The following LTBP3 variants were observed in gnomAD, a reference collection of about 807,000 sequenced individuals.
LTBP3 encodes the protein latent transforming growth factor beta binding protein 3.
Under a neutral mutation model 159.7 loss-of-function variants are expected in LTBP3, and 97 were observed. That is an observed-to-expected ratio of 0.61 (90% CI 0.52 to 0.72). The LOEUF (loss-of-function observed/expected upper bound fraction) is 0.72. Ranked by LOEUF, LTBP3 falls within the 30% of genes least tolerant of loss-of-function variation. LTBP3 has a pLI of 0.00. For missense variants in LTBP3, 1,584 were observed against 1,864.3 expected, an observed-to-expected ratio of 0.85 and a Z score of 2.77; for synonymous variants, 824 against 777.1, an observed-to-expected ratio of 1.06 and a Z score of -1.00.
At position 65,539,545 on chromosome 11, in the gene LTBP3, C is replaced by G; in HGVS notation, c.3628+3G>C. ...CGCCACCGCCCGACCCGGCAGCACTCACCTCTTGGGGGCTTCCCCAACAGC... is the reference window on the plus strand; with the variant it reads ...CGCCACCGCCCGACCCGGCAGCACTGACCTCTTGGGGGCTTCCCCAACAGC... On this transcript the variant is annotated splice_donor_region_variant and intron_variant, in intron 26 of 27. Coordinates refer to ENST00000301873, the MANE Select transcript of LTBP3 (RefSeq NM_001130144.3). The G allele has an allele frequency of 6.2e-7, 1 of 1,612,370 alleles. No individual in the cohort carries two copies. Among genetic ancestry groups the G allele is most frequent in the South Asian group, 1.1e-5 (1 of 90,846 alleles).
rs1442567859 is a variant in LTBP3, at chr11:65,539,365, G to A, written c.3723C>T (p.Gly1241=). Reference sequence around the variant, plus strand: ...CGCGGGAGGCGTCGAGCTGGAAGCCGCCGGGACACTCGCACACGGCGCCGC... The same window carrying A: ...CGCGGGAGGCGTCGAGCTGGAAGCCACCGGGACACTCGCACACGGCGCCGC... ...RPGGAVCECP[G]GFQLDASRAR... is the part of the protein sequence containing the mutation. The change falls in exon 27 of 28, where the codon GGC becomes GGT. Residue 1241 remains glycine (G), a synonymous_variant. Coordinates refer to ENST00000301873, the MANE Select transcript of LTBP3 (RefSeq NM_001130144.3). The A allele has an allele frequency of 2.1e-5, 31 of 1,489,804 alleles. No homozygotes were observed. The highest frequency in any genetic ancestry group is 2.6e-5 in the Non-Finnish European group (29 of 1,111,904). 92.3% of individuals were successfully genotyped at this position (1,489,804 alleles called of 1,614,324 possible).
At chr11:65,557,058 G>A (rs1002694433) in intron 1 of LTBP3, among the ~76,000 whole-genome samples, 21 of 151,896 alleles carry the variant, frequency 1.4e-4, no homozygotes, top group Non-Finnish European at 2.5e-4. Flanking sequence ...TGAGAACCCC[G>A]AACTAGTCCC....
At position 65,552,040 on chromosome 11, in the gene LTBP3, G is replaced by T. The variant is rs751447261; in HGVS notation, c.1463C>A (p.Pro488His). ...GCTCTCCGGAAGCTGCTGGGGCTTG[G>T]GTGGCCCGTCAGGGTGCAGGAAAAG... ...FSLFLHPDGP[P>H]KPQQLPESPS... Residue 488 changes from proline to histidine, a missense_variant, in exon 8 of 28, where the codon CCC becomes CAC. Physicochemically the swap from Pro to His is moderately conservative, Grantham distance 77 (BLOSUM62 -2). Around this residue, in one of 6 missense-constraint regions of LTBP3, gnomAD observed 565 missense variants for 677.7 expected, o/e 0.83. Coordinates refer to ENST00000301873, the MANE Select transcript of LTBP3 (RefSeq NM_001130144.3). The surrounding 1 kb of genome is among the most constrained non-coding windows in gnomAD (Gnocchi z 6.0). 2 of 1,614,072 alleles carry T rather than the reference G, an allele frequency of 1.2e-6. No individual in the cohort carries two copies. Among genetic ancestry groups the T allele is most frequent in the South Asian group, 2.2e-5 (2 of 91,082 alleles).
Position 65,540,038 on chromosome 11 carries a change from A to G in LTBP3, c.3360T>C (p.Asp1120=). Residue 1120 remains aspartate, a synonymous_variant, in exon 24 of 28, where the codon GAT becomes GAC. Coordinates refer to ENST00000301873, the MANE Select transcript of LTBP3 (RefSeq NM_001130144.3). ...PPWVPGPSGR[D]CQLPESPAER... ...CGGCCGGGCTCTCGGGGAGCTGGCA[A>G]TCGCGGCCGGAGGGCCCGGGCACCC... 6.6e-7 allele frequency: 1 copy of G among 1,514,804 alleles called. No individual in the cohort carries two copies. The allele number at this position is 1,514,804 out of a possible 1,614,324, so 93.8% of individuals were successfully genotyped here.
intron 21 of LTBP3, 89 bp from the exon 22 acceptor site, chr11:65,540,703 C>CGGGCGGGGTCTACAGGAG: frequency 8.0e-7 from 1 of 1,243,482 alleles, no homozygotes; most frequent in Non-Finnish European, 1.1e-6. Context: ...AAGCCATCCC[C>CGGGCGGGGTCTACAGGAG]GGGCGGGGCC....
intron 11 of LTBP3, 109 bp downstream of exon 11, chr11:65,551,017 T>C: frequency 1.1e-6 from 1 of 923,804 alleles, no homozygotes; most frequent in Non-Finnish European, 1.7e-6. Context: ...CAGCCCTGGA[T>C]ACACGCTAGC....
intron 8 of LTBP3, 161 bp from the exon 9 acceptor site, chr11:65,551,725 G>T: frequency 1.0e-6 from 1 of 977,802 alleles, no homozygotes. Context: ...GGGTGTGTTT[G>T]CATAGTAGTC....
In LTBP3 at chr11:65,543,026, T is replaced by C. The variant is rs1453367444; in HGVS notation, c.2596+79A>G. 4.4e-6 allele frequency: 7 copies of C among 1,586,334 alleles called. No homozygotes were observed. The African/African-American group carries it at 5.5e-5, about 12-fold the overall frequency. ...ATGGTTGGATGGGTGGATGGATGGATGGAGAAAGGCCACAGTGTGTCTAGG... is the reference window on the plus strand; with the variant it reads ...ATGGTTGGATGGGTGGATGGATGGACGGAGAAAGGCCACAGTGTGTCTAGG... On this transcript the variant is annotated intron_variant, in intron 18 of 27. Transcript: ENST00000301873.
In LTBP3 at chr11:65,539,605, T is replaced by C; in HGVS notation, c.3571A>G (p.Ser1191Gly). 1 of 1,612,148 alleles carries C rather than the reference T, an allele frequency of 6.2e-7. No individual in the cohort carries two copies. The highest frequency in any genetic ancestry group is 8.5e-7 in the Non-Finnish European group (1 of 1,179,232). The change falls in exon 26 of 28, where the codon AGC becomes GGC. Residue 1191 changes from serine (S) to glycine (G), a missense_variant. Physicochemically the swap from Ser to Gly is moderately conservative, Grantham distance 56. Transcript: ENST00000301873. ...GTGTCCCAGAAGGAATTGCTCTCGC[T>C]CTGCGATGTCGGGCAATGGGACCCT... is the stretch of plus-strand genomic sequence containing the variant. ...GAGSHCPTSQ[S>G]ESNSFWDTSP...
In LTBP3 at chr11:65,539,744, G is replaced by A. The variant is rs780579883; in HGVS notation, c.3523C>T (p.Arg1175Ter). Residue 1175 changes from arginine to a stop codon, truncating the protein, a stop_gained, in exon 25 of 28, where the codon CGA (arginine) becomes TGA (stop). Transcript: ENST00000301873. LOFTEE classifies it high-confidence loss of function. ...CCCGCGCCGCGCGGCGGGCACGGTC[G>A]GCATTGGGCGCCCCAGCCGCGGCCC... ...RQGRGWGAQC[R>*]PCPPRGAGSH... is the part of the protein sequence containing the mutation. 1 of 1,544,354 alleles carries A rather than the reference G, an allele frequency of 6.5e-7. No homozygotes were observed. Among genetic ancestry groups the A allele is most frequent in the East Asian group, 2.4e-5 (1 of 41,876 alleles).
chr11:65,543,651 C>T (rs996026615), intron 16 of LTBP3, 102 bp from the exon 17 acceptor site: 2 of 1,473,180 alleles, frequency 1.4e-6, no homozygotes, highest in South Asian at 1.1e-5. Flanking sequence ...AGAGCTGAGG[C>T]CAGCAGCACT....
intron 18 of LTBP3, 141 bp downstream of exon 18, chr11:65,542,964 G>T (rs1024768166): frequency 2.8e-6 from 3 of 1,067,012 alleles, no homozygotes; most frequent in Middle Eastern, 3.0e-4. Context: ...ATGGATGGAT[G>T]GATGGATGGA....
rs751286938 is a variant in LTBP3 at position 65,546,528 on chromosome 11, G to A, written c.2267C>T (p.Pro756Leu). 1 of 1,601,922 alleles carries A rather than the reference G, an allele frequency of 6.2e-7. No homozygotes were observed. The highest frequency in any genetic ancestry group is 1.1e-5 in the South Asian group (1 of 90,930). The change falls in exon 16 of 28, where the codon CCT (proline) becomes CTT (leucine). Residue 756 changes from proline to leucine, a missense_variant. Coordinates refer to ENST00000301873, the MANE Select transcript of LTBP3 (RefSeq NM_001130144.3). This position sits in a 1 kb window ranked among gnomAD's most constrained non-coding sequence, Gnocchi z 4.0. ...GCCCGGGAGGTTCTCGCACCAGCCA[G>A]GCGAGCAGGGGCTGCCCTCGGCGCA... Reference protein sequence around the residue: ...NECAEGSPCSPGWCENLPGSF... With the variant: ...NECAEGSPCSLGWCENLPGSF...
Position 65,551,551 on chromosome 11 carries a change from G to A in LTBP3, c.1545C>T (p.Asp515=), listed in dbSNP as rs1272772196. 1.9e-6 allele frequency: 3 copies of A among 1,614,078 alleles called. No homozygotes were observed. In the South Asian group the frequency reaches 3.3e-5, roughly 18 times the overall value. The stretch of plus-strand genomic sequence containing the variant: ...CCATCTGGGTTCTCATACTCACTGA[G>A]TCCGTGGTCACCCCTAAAAGGGAAG... The part of the protein sequence containing the change: ...DTEEERGVTT[D]SPVSEERSVQ... Residue 515 remains aspartate (D), a synonymous_variant, in exon 9 of 28, where the codon GAC becomes GAT. Transcript: ENST00000301873.
rs1360955260 is a variant in LTBP3, at chr11:65,553,800, G to C, written c.765C>G (p.Pro255=). The C allele has an allele frequency of 6.4e-7, 1 of 1,564,056 alleles. No individual in the cohort carries two copies. The highest frequency in any genetic ancestry group is 1.2e-5 in the South Asian group (1 of 86,600). ...IESSNAESAA[P]SQHLLPHPKP... ...TGGGGTGCGGCAGCAGGTGCTGGGAGGGGGCTGCGCTCTCGGCGTTCGAGC... is the reference window on the plus strand; with the variant it reads ...TGGGGTGCGGCAGCAGGTGCTGGGACGGGGCTGCGCTCTCGGCGTTCGAGC... The change falls in exon 3 of 28, where the codon CCC becomes CCG. Residue 255 remains proline (P), a synonymous_variant. Coordinates refer to ENST00000301873, the MANE Select transcript of LTBP3 (RefSeq NM_001130144.3). The surrounding 1 kb of genome is among the most constrained non-coding windows in gnomAD (Gnocchi z 6.5).
rs1590763063 is a variant in LTBP3 at position 65,542,051 on chromosome 11, A to G, written c.2597-323T>C. 1.7e-5 allele frequency: 6 copies of G among 350,442 alleles called. No homozygotes were observed. In the East Asian group the frequency reaches 3.3e-4, roughly 19 times the overall value. 21.7% of individuals were successfully genotyped at this position (350,442 alleles called of 1,614,324 possible). On this transcript the variant is annotated intron_variant, in intron 18 of 27. Coordinates refer to ENST00000301873, the MANE Select transcript of LTBP3 (RefSeq NM_001130144.3). ...ACTCTAGACCACCCTCCACTCCCCA[A>G]CTCTGTGCTCAGGGCACCCTCCCCT...
intron 19 of LTBP3, 48 bp downstream of exon 19, chr11:65,541,552 G>C (rs1565090477): frequency 6.2e-7 from 1 of 1,613,570 alleles, no homozygotes; most frequent in African/African-American, 1.3e-5. Flanking sequence ...CCCAGCTGCA[G>C]CTCAGGGGAG....
Position 65,543,518 on chromosome 11 carries a change from ACACACGTCCCCAGCCT to A in LTBP3, c.2369_2384del (p.Glu790ValfsTer73). 6.2e-7 allele frequency: 1 copy of A among 1,614,096 alleles called. No homozygotes were observed. Among genetic ancestry groups the A allele is most frequent in the Non-Finnish European group, 8.5e-7 (1 of 1,179,982 alleles). ...GCGTGTTGCTGCAGATGCCATTGTC[ACACACGTCCCCAGCCT>A]CACACTCGTCCACATCTGCAGGGCA... On this transcript the variant is annotated frameshift_variant, in exon 17 of 28. Transcript: ENST00000301873. LOFTEE classifies it high-confidence loss of function.
chr11:65,547,569 T>A lies in LTBP3; in HGVS notation c.1979-2A>T. On this transcript the variant is annotated splice_acceptor_variant, in intron 13 of 27. Coordinates refer to ENST00000301873, the MANE Select transcript of LTBP3 (RefSeq NM_001130144.3). LOFTEE classifies it high-confidence loss of function. The surrounding 1 kb of genome is among the most constrained non-coding windows in gnomAD (Gnocchi z 4.6). ...GGGGCTTGGCGCATTCGTTCAGGTC[T>A]GTGCGGGAGGAAGGGGCCACGAAGG... 1 of 1,613,682 alleles carries A rather than the reference T, an allele frequency of 6.2e-7. No homozygotes were observed. Among genetic ancestry groups the A allele is most frequent in the Non-Finnish European group, 8.5e-7 (1 of 1,179,750 alleles).
Sources: gnomAD v4.1 joint callset for allele counts (sites outside exome capture counted in the v4.1 genomes callset) on GRCh38, gnomAD v4.1.1 for gene constraint, gnomAD v4.1.1 regional missense constraint, Gnocchi (gnomAD v3.1) non-coding constraint, MANE v1.5 for transcripts, NCBI Gene and HGNC (gene_info 2026-07-23, HGNC 2026-07-21) for gene names.